BIVM: variants seen among roughly 807,000 people sequenced by gnomAD.
The protein encoded by BIVM is basic, immunoglobulin-like variable motif containing.
BIVM carries 31 observed loss-of-function variants against 61.4 expected under a neutral mutation model. The observed-to-expected ratio is 0.51, with a 90% confidence interval of 0.38 to 0.68. The LOEUF is 0.68. Among genes scored for constraint, BIVM ranks in the 30% least tolerant of loss-of-function variants. BIVM has a pLI of 0.00. For synonymous variants in BIVM, 189 were observed against 210.7 expected, an observed-to-expected ratio of 0.90 and a Z score of 0.89; for missense variants, 526 against 596.0, an observed-to-expected ratio of 0.88 and a Z score of 1.22.
chr13:102,817,276 A>C (rs1020846996), intron 4 of BIVM, among the ~76,000 whole-genome samples: 3 of 152,188 alleles, frequency 2.0e-5, no homozygotes, highest in Non-Finnish European at 4.4e-5. Context: ...TTTTCCTTTT[A>C]GTTTCCTAAA....
At chr13:102,827,009 A>G (rs556173994) in intron 7 of BIVM, among the ~76,000 whole-genome samples, 46 of 152,326 alleles carry the variant, frequency 3.0e-4, no homozygotes, top group African/African-American at 1.1e-3. Flanking sequence ...TAAAAGGGCC[A>G]TGGAGAGAGT....
intron 5 of BIVM, among the ~76,000 whole-genome samples, 154 bp downstream of exon 5, chr13:102,821,286 G>A (rs1304415451): frequency 6.6e-6 from 1 of 152,196 alleles, no homozygotes; most frequent in African/African-American, 2.4e-5. Flanking sequence ...ATATATACAT[G>A]TATTATTTTC....
chr13:102,809,584 G>A (rs1480330548), intron 3 of BIVM, among the ~76,000 whole-genome samples: 8 of 152,160 alleles, frequency 5.3e-5, no homozygotes, highest in African/African-American at 1.9e-4. Flanking sequence ...CAAAAGAAGG[G>A]TGTTAAAAAT....
chr13:102,800,141 TC>T (rs1033064205), intron 1 of BIVM, among the ~76,000 whole-genome samples: 4 of 152,178 alleles, frequency 2.6e-5, no homozygotes, highest in African/African-American at 9.7e-5. Context: ...GGGGTTTCTT[TC>T]CTATTTTCTT....
intron 2 of BIVM, among the ~76,000 whole-genome samples, chr13:102,805,753 C>T (rs61966022): frequency 4.7e-3 from 713 of 152,200 alleles, no homozygotes; most frequent in Middle Eastern, 0.027. Flanking sequence ...TAGAATAATA[C>T]ACTATCTGGT....
chr13:102,806,244 C>A (rs1211277203), intron 2 of BIVM, among the ~76,000 whole-genome samples: 1 of 152,034 alleles, frequency 6.6e-6, no homozygotes, highest in African/African-American at 2.4e-5. Context: ...TTTTCATGTG[C>A]TTATTGGCCA....
chr13:102,837,431 T>A (rs6491712), intron 9 of BIVM, among the ~76,000 whole-genome samples: 150,283 of 152,326 alleles, frequency 0.99, 74,170 homozygotes, highest in Middle Eastern at 1. Flanking sequence ...ATTTTTTCTC[T>A]ATGTGTTCTA....
intron 7 of BIVM, among the ~76,000 whole-genome samples, chr13:102,822,682 G>A (rs1880379192): frequency 6.6e-6 from 1 of 152,138 alleles, no homozygotes; most frequent in East Asian, 1.9e-4. Flanking sequence ...TGATCTCAAG[G>A]ATTATTTTAG....
At chr13:102,829,788 G>A (rs538865268) in intron 7 of BIVM, among the ~76,000 whole-genome samples, 3 of 152,112 alleles carry the variant, frequency 2.0e-5, no homozygotes, top group Admixed American at 1.3e-4. Flanking sequence ...GCAGTGAGCC[G>A]AGATCATGCC....
chr13:102,827,143 CTTTA>C (rs1485991438), intron 7 of BIVM, among the ~76,000 whole-genome samples: 2 of 151,458 alleles, frequency 1.3e-5, no homozygotes, highest in Non-Finnish European at 2.9e-5. Flanking sequence ...AATATCTGTA[CTTTA>C]TTTATTTTAT....
intron 7 of BIVM, among the ~76,000 whole-genome samples, chr13:102,829,859 ATAAATAAT>A (rs1183609197): frequency 6.9e-6 from 1 of 144,202 alleles, no homozygotes; most frequent in African/African-American, 2.6e-5. Flanking sequence ...ATAAAATAAA[ATAAATAAT>A]TAAATAAATG....
At chr13:102,833,957 G>C (rs1881291298) in intron 8 of BIVM, among the ~76,000 whole-genome samples, 2 of 152,152 alleles carry the variant, frequency 1.3e-5, no homozygotes, top group African/African-American at 4.8e-5. Flanking sequence ...CTTTAAAAGA[G>C]AGTCCCTCAC....
rs945726972 is a variant in BIVM at position 102,805,356 on chromosome 13, T to C, written c.-157T>C. On this transcript the variant is annotated 5_prime_UTR_variant, in exon 2 of 11. Coordinates refer to ENST00000257336, the MANE Select transcript of BIVM (RefSeq NM_017693.4). ...GTTTTTCCTGAAACTGATCAGAAGT[T>C]AGTGACACCTTGATTGGATCCGTTT... is the stretch of plus-strand genomic sequence containing the variant. 1 of 152,246 alleles carries C rather than the reference T, an allele frequency of 6.6e-6. No individual in the cohort carries two copies. The highest frequency in any genetic ancestry group is 2.4e-5 in the African/African-American group (1 of 41,466). The allele number at this position is 152,246 out of a possible 1,614,324, so 9.4% of individuals were successfully genotyped here. A position where few individuals can be genotyped will look rare whatever the true frequency, so the allele number is the denominator to read the frequency against.
chr13:102,829,029 A>T (rs61966040), intron 7 of BIVM, among the ~76,000 whole-genome samples: 26 of 150,432 alleles, frequency 1.7e-4, no homozygotes, highest in Non-Finnish European at 3.4e-4. Context: ...TTTTTTTAAA[A>T]TAAAAAAGAT....
intron 4 of BIVM, chr13:102,816,912 T>A (rs1454300297): frequency 6.5e-6 from 1 of 153,122 alleles, no homozygotes; most frequent in East Asian, 1.9e-4. Context: ...TCAAGTTACC[T>A]AAGTATGCAT....
chr13:102,804,244 C>T (rs1021591109), intron 1 of BIVM, among the ~76,000 whole-genome samples: 1 of 151,724 alleles, frequency 6.6e-6, no homozygotes, highest in African/African-American at 2.4e-5. Context: ...ACCTTCGAGC[C>T]TCAAGCAATT....
Position 102,841,320 on chromosome 13 carries a change from T to G in BIVM, c.*1455T>G, listed in dbSNP as rs891077229. The G allele has an allele frequency of 6.6e-6, 1 of 152,646 alleles. No individual in the cohort carries two copies. Among genetic ancestry groups the G allele is most frequent in the Non-Finnish European group, 1.5e-5 (1 of 68,042 alleles). The allele number at this position is 152,646 out of a possible 1,614,324, so 9.5% of individuals were successfully genotyped here. ...TCAGATTTTTATTTTTAAAATATTT[T>G]CATTTTTTTCTTGAATTTTATATCC... On this transcript the variant is annotated 3_prime_UTR_variant, in exon 11 of 11. Transcript: ENST00000257336.
intron 6 of BIVM, 54 bp downstream of exon 6, chr13:102,821,901 A>T (rs1399333710): frequency 6.3e-7 from 1 of 1,576,622 alleles, no homozygotes; most frequent in Non-Finnish European, 8.7e-7. Flanking sequence ...CAAAATAATA[A>T]TGATGTAGAT....
In BIVM at chr13:102,840,003, C is replaced by G. The variant is rs572404915; in HGVS notation, c.*138C>G. On this transcript the variant is annotated 3_prime_UTR_variant, in exon 11 of 11. Transcript: ENST00000257336. ...GTATAAAAAATAACCTTGTAGTTCT[C>G]CAGATACTAAGCTTGTATATGATTA... 2 of 879,870 alleles carry G rather than the reference C, an allele frequency of 2.3e-6. No homozygotes were observed. The highest frequency in any genetic ancestry group is 3.4e-5 in the African/African-American group (2 of 59,294). The allele number at this position is 879,870 out of a possible 1,614,324, so 54.5% of individuals were successfully genotyped here.
Sources: allele counts gnomAD v4.1 joint callset (sites outside exome capture counted in the v4.1 genomes callset), GRCh38; gene constraint gnomAD v4.1.1; transcripts MANE v1.5; gene names NCBI Gene and HGNC (gene_info 2026-07-23, HGNC 2026-07-21).